The following OR52A5 variants were observed in gnomAD, a reference collection of about 807,000 sequenced individuals.
The protein encoded by OR52A5 is olfactory receptor family 52 subfamily A member 5.
OR52A5 carries 16 observed loss-of-function variants against 18.2 expected under a neutral mutation model. That is an observed-to-expected ratio of 0.88 (90% CI 0.60 to 1.34). OR52A5 has a LOEUF of 1.34. Ranked by LOEUF, OR52A5 falls within the 40% of genes most tolerant of loss-of-function variation. OR52A5 has a pLI of 0.00. For missense variants in OR52A5, 418 were observed against 383.0 expected (o/e 1.09, Z -0.76); for synonymous variants, 140 against 137.2 (o/e 1.02, Z -0.14).
rs1564849109 is a variant in OR52A5, at chr11:5,131,722, C to G, written c.921G>C (p.Val307=). 1 of 1,613,076 alleles carries G rather than the reference C, an allele frequency of 6.2e-7. No homozygotes were observed. Among genetic ancestry groups the G allele is most frequent in the Non-Finnish European group, 8.5e-7 (1 of 1,179,536 alleles). The part of the protein sequence containing the change: ...VKTKQIRDHI[V]KVFFFKKVT ...TTACTTTTTTGAAGAAAAACACTTT[C>G]ACAATATGGTCACGAATTTGCTTGG... The change falls in exon 2 of 2, where the codon GTG becomes GTC. Residue 307 remains valine, a synonymous_variant. Coordinates refer to ENST00000307388, the MANE Select transcript of OR52A5 (RefSeq NM_001005160.3).
Position 5,132,209 on chromosome 11 carries a change from T to C in OR52A5, c.434A>G (p.His145Arg), listed in dbSNP as rs189041265. Residue 145 changes from histidine (H) to arginine (R), a missense_variant, in exon 2 of 2, where the codon CAT becomes CGT. Transcript: ENST00000307388. ...ATIFSQQFLT[H>R]IGLGVTLRAA... ...CCTGAGTGTCACCCCAAGTCCAATATGAGTTAAGAACTGCTGGGAAAAGAT... is the reference window on the plus strand; with the variant it reads ...CCTGAGTGTCACCCCAAGTCCAATACGAGTTAAGAACTGCTGGGAAAAGAT... 64 of 1,614,038 alleles carry C rather than the reference T, an allele frequency of 4.0e-5. 2 individuals carry two copies. In the African/African-American group the frequency reaches 6.0e-4, roughly 15 times the overall value.
rs1287001271 is a variant in OR52A5, at chr11:5,131,577, C to A, written c.*115G>T. 1.2e-5 allele frequency: 7 copies of A among 569,046 alleles called. No individual in the cohort carries two copies. The highest frequency in any genetic ancestry group is 1.1e-4 in the South Asian group (4 of 36,248). The allele number at this position is 569,046 out of a possible 1,614,324, so 35.2% of individuals were successfully genotyped here. A position where few individuals can be genotyped will look rare whatever the true frequency, so the allele number is the denominator to read the frequency against. On this transcript the variant is annotated 3_prime_UTR_variant, in exon 2 of 2. Coordinates refer to ENST00000307388, the MANE Select transcript of OR52A5 (RefSeq NM_001005160.3). The stretch of plus-strand genomic sequence containing the variant: ...GCAAATACTAAAAAGTGAGACATAG[C>A]TAGAATTACAGGTATGTGTTGAGCT...
chr11:5,133,542 C>T (rs923134468), intron 1 of OR52A5, among the ~76,000 whole-genome samples: 4 of 147,062 alleles, frequency 2.7e-5, no homozygotes, highest in African/African-American at 1.0e-4. Flanking sequence ...AAAATTCTTT[C>T]AACCTAATTT....
At chr11:5,138,040 T>A (rs1846407650) in intron 1 of OR52A5, 1 of 152,230 alleles carries the variant, frequency 6.6e-6, no homozygotes, top group Non-Finnish European at 1.5e-5. Context: ...CATTTGCTTA[T>A]CAGCCCAGAT....
At chr11:5,136,256 C>G (rs1589861422) in intron 1 of OR52A5, among the ~76,000 whole-genome samples, 3 of 152,188 alleles carry the variant, frequency 2.0e-5, no homozygotes, top group African/African-American at 7.2e-5. Context: ...AAAATAATGA[C>G]CTTTCTTCTG....
At chr11:5,133,363 C>CAAAAAAA (rs745895019) in intron 1 of OR52A5, among the ~76,000 whole-genome samples, 8 of 62,384 alleles carry the variant, frequency 1.3e-4, no homozygotes, top group East Asian at 9.1e-4. Context: ...GCGAGACTGT[C>CAAAAAAA]AAAAAAAAAA....
rs1215498372 is a variant in OR52A5, at chr11:5,129,872, G to C, written c.*1820C>G. ...CTTCAGCTGGGGTTTCTTTAGCAGA[G>C]AACACTGGACAGGGACAACATTGTT... On this transcript the variant is annotated 3_prime_UTR_variant, in exon 2 of 2. Coordinates refer to ENST00000307388, the MANE Select transcript of OR52A5 (RefSeq NM_001005160.3). 6.6e-6 allele frequency: 1 copy of C among 152,102 alleles called. No homozygotes were observed. Among genetic ancestry groups the C allele is most frequent in the Non-Finnish European group, 1.5e-5 (1 of 68,012 alleles). The allele number at this position is 152,102 out of a possible 1,614,324, so 9.4% of individuals were successfully genotyped here. A position where few individuals can be genotyped will look rare whatever the true frequency, so the allele number is the denominator to read the frequency against.
rs1388126224 is a variant in OR52A5, at chr11:5,130,707, TATG to T, written c.*982_*984del. 3.9e-5 allele frequency: 6 copies of T among 152,280 alleles called. No individual in the cohort carries two copies. Among genetic ancestry groups the T allele is most frequent in the Middle Eastern group, 3.4e-3 (1 of 294 alleles). The allele number at this position is 152,280 out of a possible 1,614,324, so 9.4% of individuals were successfully genotyped here. A position where few individuals can be genotyped will look rare whatever the true frequency, so the allele number is the denominator to read the frequency against. On this transcript the variant is annotated 3_prime_UTR_variant, in exon 2 of 2. Coordinates refer to ENST00000307388, the MANE Select transcript of OR52A5 (RefSeq NM_001005160.3). ...GTATCTATGTCTGCCTCTTGAATGA[TATG>T]ATTTTTTACATCAGAACGTTTTACC...
rs146459918 is a variant in OR52A5 at position 5,134,849 on chromosome 11, A to C, written c.-60-2147T>G. On this transcript the variant is annotated intron_variant, in intron 1 of 1. Coordinates refer to ENST00000307388, the MANE Select transcript of OR52A5 (RefSeq NM_001005160.3). ...TTTACCCAGAAAGAACAAAATATGC[A>C]AATTTCTGTCCTCTGAGATTTTTTA... Among the ~76,000 whole-genome samples, 566 of 152,148 alleles carry C rather than the reference A, an allele frequency of 3.7e-3. 5 individuals carry two copies. The highest frequency in any genetic ancestry group is 0.013 in the African/African-American group (539 of 41,540).
In OR52A5 at chr11:5,132,302, G is replaced by A. The variant is rs761735684; in HGVS notation, c.341C>T (p.Ser114Leu). 3.7e-6 allele frequency: 6 copies of A among 1,613,978 alleles called. No homozygotes were observed. The highest frequency in any genetic ancestry group is 3.3e-5 in the South Asian group (3 of 91,068). Residue 114 changes from serine (S) to leucine (L), a missense_variant, in exon 2 of 2, where the codon TCG becomes TTG. Transcript: ENST00000307388. Reference protein sequence around the residue: ...WLIHSFQAIESGILLAMALDR... With the variant: ...WLIHSFQAIELGILLAMALDR... ...CAGGGCCATTGCCAGAAGGATACCCGATTCAATTGCCTGGAATGAGTGAAT... is the reference window on the plus strand; with the variant it reads ...CAGGGCCATTGCCAGAAGGATACCCAATTCAATTGCCTGGAATGAGTGAAT...
rs1291017488 is a variant in OR52A5 at position 5,129,473 on chromosome 11, A to T, written c.*2219T>A. 6.6e-6 allele frequency: 1 copy of T among 152,066 alleles called. No homozygotes were observed. The highest frequency in any genetic ancestry group is 2.4e-5 in the African/African-American group (1 of 41,422). 9.4% of individuals were successfully genotyped at this position (152,066 alleles called of 1,614,324 possible). Reference sequence around the variant, plus strand: ...ATCCCTTCGAGCCCTCAAACAATTTATTCTTGGAATAAATTTCTCTTTTTA... The same window carrying T: ...ATCCCTTCGAGCCCTCAAACAATTTTTTCTTGGAATAAATTTCTCTTTTTA... On this transcript the variant is annotated 3_prime_UTR_variant, in exon 2 of 2. Transcript: ENST00000307388.
chr11:5,138,169 G>C (rs568618489), intron 1 of OR52A5, 142 bp downstream of exon 1: 2 of 152,152 alleles, frequency 1.3e-5, no homozygotes, highest in Non-Finnish European at 2.9e-5. Flanking sequence ...CATCATTTTA[G>C]AGTTTGAACA....
chr11:5,134,929 G>A (rs1470923963), intron 1 of OR52A5, among the ~76,000 whole-genome samples: 1 of 152,000 alleles, frequency 6.6e-6, no homozygotes, highest in Non-Finnish European at 1.5e-5. Flanking sequence ...GAGTGCAGTG[G>A]CACGATCTCG....
rs751871608 is a variant in OR52A5, at chr11:5,132,260, A to G, written c.383T>C (p.Ile128Thr). 1.2e-5 allele frequency: 19 copies of G among 1,614,232 alleles called. No homozygotes were observed. The South Asian group carries it at 2.1e-4, about 18-fold the overall frequency. ...GGTGGCATGTCTCAAGGGGATACAG[A>G]TGGCCACATAGCGATCCAGGGCCAT... is the stretch of plus-strand genomic sequence containing the variant. The part of the protein sequence containing the change: ...LAMALDRYVA[I>T]CIPLRHATIF... The change falls in exon 2 of 2, where the codon ATC becomes ACC. Residue 128 changes from isoleucine to threonine, a missense_variant. Transcript: ENST00000307388.
intron 1 of OR52A5, among the ~76,000 whole-genome samples, chr11:5,137,884 T>A (rs184476987): frequency 3.9e-5 from 6 of 152,340 alleles, no homozygotes; most frequent in Admixed American, 2.6e-4. Flanking sequence ...AATGTGTTGA[T>A]TGGCACCGGC....
In OR52A5 at chr11:5,130,565, CTT is replaced by C. The variant is rs1359053483; in HGVS notation, c.*1125_*1126del. The stretch of plus-strand genomic sequence containing the variant: ...CCTATCAACTAACATGTTGTTTTAT[CTT>C]TTGTCATGTATTTTTGATTCTTTCT... On this transcript the variant is annotated 3_prime_UTR_variant, in exon 2 of 2. Coordinates refer to ENST00000307388, the MANE Select transcript of OR52A5 (RefSeq NM_001005160.3). 6.6e-6 allele frequency: 1 copy of C among 151,878 alleles called. No individual in the cohort carries two copies. The highest frequency in any genetic ancestry group is 1.5e-5 in the Non-Finnish European group (1 of 67,890). 9.4% of individuals were successfully genotyped at this position (151,878 alleles called of 1,614,324 possible). A position where few individuals can be genotyped will look rare whatever the true frequency, so the allele number is the denominator to read the frequency against.
rs138421744 is a variant in OR52A5, at chr11:5,137,665, G to T, written c.-61+646C>A. 4.7e-4 allele frequency among the ~76,000 whole-genome samples: 72 copies of T among 152,220 alleles called. No homozygotes were observed. In the East Asian group the frequency reaches 0.014, roughly 29 times the overall value. On this transcript the variant is annotated intron_variant, in intron 1 of 1. Transcript: ENST00000307388. ...ATTTTAATAATAGACACCAGTCATA[G>T]ATAATAGCAGTGAATTCTACAGAAC...
chr11:5,132,687 C>T lies in OR52A5; in HGVS notation c.-45G>A. ...AGTGGTAGATTTGCTGTTTCATCTTCTATTCTCTGTTGAGCCTTGATGAAT... is the reference window on the plus strand; with the variant it reads ...AGTGGTAGATTTGCTGTTTCATCTTTTATTCTCTGTTGAGCCTTGATGAAT... On this transcript the variant is annotated 5_prime_UTR_variant, in exon 2 of 2. Coordinates refer to ENST00000307388, the MANE Select transcript of OR52A5 (RefSeq NM_001005160.3). 1 of 1,262,250 alleles carries T rather than the reference C, an allele frequency of 7.9e-7. No homozygotes were observed. The highest frequency in any genetic ancestry group is 1.1e-6 in the Non-Finnish European group (1 of 897,378). The allele number at this position is 1,262,250 out of a possible 1,614,324, so 78.2% of individuals were successfully genotyped here. A position where few individuals can be genotyped will look rare whatever the true frequency, so the allele number is the denominator to read the frequency against.
At chr11:5,133,363 CAAAAAAAAAAAAA>C (rs745895019) in intron 1 of OR52A5, among the ~76,000 whole-genome samples, 2 of 62,410 alleles carry the variant, frequency 3.2e-5, no homozygotes, top group African/African-American at 1.3e-4. Flanking sequence ...GCGAGACTGT[CAAAAAAAAAAAAA>C]AAAAAAAAAA....
Sources: allele counts gnomAD v4.1 joint callset (sites outside exome capture counted in the v4.1 genomes callset), GRCh38; gene constraint gnomAD v4.1.1; transcripts MANE v1.5; gene names NCBI Gene and HGNC (gene_info 2026-07-23, HGNC 2026-07-21).